Variants in CDKAL1 observed in about 807,000 individuals in gnomAD.
The protein encoded by CDKAL1 is threonylcarbamoyladenosine tRNA methylthiotransferase.
A neutral mutation model predicts 68.2 loss-of-function variants in CDKAL1; 32 were observed. That is an observed-to-expected ratio of 0.47 (90% confidence interval 0.35 to 0.63). The LOEUF (loss-of-function observed/expected upper bound fraction) is 0.63, where lower values mean the gene tolerates loss of function less well. Ranked by LOEUF, CDKAL1 falls within the 30% of genes least tolerant of loss-of-function variation. The pLI is 0.00. For synonymous variants in CDKAL1, 234 were observed against 244.3 expected (o/e 0.96, Z 0.39); for missense variants, 606 against 696.7 (o/e 0.87, Z 1.47).
Position 20,649,589 on chromosome 6 carries a change from G to A in CDKAL1, c.371+212G>A, listed in dbSNP as rs1768653476. Among the ~76,000 whole-genome samples, 4 of 151,508 alleles carry A rather than the reference G, an allele frequency of 2.6e-5. No homozygotes were observed. The South Asian group carries it at 8.4e-4, about 32-fold the overall frequency. ...TAAATTAAATTTACTTTAAGTTCTG[G>A]GGTACATGTACAGGATGTGCAAGTT... On this transcript the variant is annotated intron_variant, in intron 5 of 15. Coordinates refer to ENST00000274695, the MANE Select transcript of CDKAL1 (RefSeq NM_017774.3).
chr6:20,677,080 TG>T (rs1314233658), intron 5 of CDKAL1, among the ~76,000 whole-genome samples: 5 of 128,316 alleles, frequency 3.9e-5, no homozygotes, highest in African/African-American at 2.5e-4. Flanking sequence ...ATTTTTTTTG[TG>T]TGTGTGTGTG....
chr6:20,770,191 A>G (rs1378092643), intron 7 of CDKAL1, among the ~76,000 whole-genome samples: 2 of 152,170 alleles, frequency 1.3e-5, no homozygotes, highest in Non-Finnish European at 2.9e-5. Context: ...AATTCTGAGT[A>G]TACTGTTTGA....
intron 9 of CDKAL1, among the ~76,000 whole-genome samples, chr6:20,904,216 C>T (rs1284484856): frequency 6.6e-6 from 1 of 152,126 alleles, no homozygotes; most frequent in Non-Finnish European, 1.5e-5. Context: ...CCTCCTTTAA[C>T]TGATGTGAGT....
intron 13 of CDKAL1, among the ~76,000 whole-genome samples, chr6:21,123,118 T>G (rs1774811943): frequency 6.6e-6 from 1 of 152,180 alleles, no homozygotes; most frequent in Non-Finnish European, 1.5e-5. Flanking sequence ...GCCCAGGTTT[T>G]CTGGCTAATA....
intron 8 of CDKAL1, among the ~76,000 whole-genome samples, chr6:20,825,660 G>T (rs1469734385): frequency 6.6e-6 from 1 of 152,030 alleles, no homozygotes; most frequent in Non-Finnish European, 1.5e-5. Context: ...AGTACTTGTG[G>T]CATCGAAGCA....
At chr6:21,130,328 G>A (rs988880434) in intron 13 of CDKAL1, among the ~76,000 whole-genome samples, 5 of 150,794 alleles carry the variant, frequency 3.3e-5, no homozygotes, top group South Asian at 4.2e-4. Flanking sequence ...GGATTCGAGC[G>A]ATTATCCTGC....
chr6:21,207,195 G>C (rs909944842), intron 15 of CDKAL1, among the ~76,000 whole-genome samples: 1 of 151,396 alleles, frequency 6.6e-6, no homozygotes, highest in Non-Finnish European at 1.5e-5. Context: ...TTAGAGGCGT[G>C]AGGCACCACA....
chr6:21,147,571 C>T (rs1394925690), intron 13 of CDKAL1, among the ~76,000 whole-genome samples: 1 of 152,180 alleles, frequency 6.6e-6, no homozygotes, highest in South Asian at 2.1e-4. Flanking sequence ...CTGGTTAGTG[C>T]CCTGCAACCA....
At chr6:21,126,075 G>C (rs1378378457) in intron 13 of CDKAL1, among the ~76,000 whole-genome samples, 4 of 152,226 alleles carry the variant, frequency 2.6e-5, no homozygotes, top group African/African-American at 9.6e-5. Flanking sequence ...AGGTGCTCTA[G>C]TATATGTTTC....
chr6:20,999,868 A>G (rs1767339129), intron 10 of CDKAL1, among the ~76,000 whole-genome samples: 2 of 152,164 alleles, frequency 1.3e-5, no homozygotes, highest in Non-Finnish European at 2.9e-5. Flanking sequence ...TGTTTTTCCC[A>G]CAAATGTAAC....
intron 4 of CDKAL1, chr6:20,558,495 A>G (rs1188909471): frequency 4.4e-6 from 2 of 456,338 alleles, no homozygotes; most frequent in Non-Finnish European, 8.8e-6. Context: ...TGAAACAGTA[A>G]GTGCATGAAC....
At chr6:21,020,608 C>T (rs570162325) in intron 11 of CDKAL1, among the ~76,000 whole-genome samples, 122 of 152,022 alleles carry the variant, frequency 8.0e-4, no homozygotes, top group African/African-American at 2.8e-3. Context: ...GCTGGGATTA[C>T]GGGCATGCAC....
chr6:20,835,122 G>A (rs1003197552), intron 8 of CDKAL1, among the ~76,000 whole-genome samples: 2 of 152,154 alleles, frequency 1.3e-5, no homozygotes, highest in South Asian at 4.1e-4. Flanking sequence ...GGGCACTTGG[G>A]TAGAGGGTTT....
chr6:20,981,406 G>C (rs444005), intron 10 of CDKAL1, among the ~76,000 whole-genome samples: 16,055 of 152,162 alleles, frequency 0.11, 973 homozygotes, highest in Middle Eastern at 0.16. Context: ...ATGCGTTCTT[G>C]CACTTTCTGA....
chr6:21,029,697 C>T (rs1769161360), intron 11 of CDKAL1, among the ~76,000 whole-genome samples: 1 of 152,092 alleles, frequency 6.6e-6, no homozygotes, highest in Admixed American at 6.6e-5. Flanking sequence ...CAAAAGAGGA[C>T]ATTTATACGG....
chr6:20,880,283 ATC>A (rs1760744008), intron 9 of CDKAL1, among the ~76,000 whole-genome samples: 2 of 151,742 alleles, frequency 1.3e-5, no homozygotes, highest in East Asian at 1.9e-4. Flanking sequence ...TCGAGATGGA[ATC>A]TCTCTCTGTT....
rs1372541570 is a variant in CDKAL1 at position 20,875,654 on chromosome 6, C to T, written c.742+29476C>T. 3.3e-5 allele frequency among the ~76,000 whole-genome samples: 5 copies of T among 151,826 alleles called. No homozygotes were observed. In the East Asian group the frequency reaches 9.7e-4, roughly 29 times the overall value. On this transcript the variant is annotated intron_variant, in intron 9 of 15. Coordinates refer to ENST00000274695, the MANE Select transcript of CDKAL1 (RefSeq NM_017774.3). ...TTTAAAAATTAAGTAATAATGTGTT[C>T]TCTGTCTCTATTACCTTCACTAATG...
chr6:20,640,885 G>A (rs897202100), intron 4 of CDKAL1, among the ~76,000 whole-genome samples: 2 of 152,118 alleles, frequency 1.3e-5, no homozygotes, highest in Non-Finnish European at 2.9e-5. Flanking sequence ...GTCAACGTGG[G>A]AGGATTACAT....
At chr6:20,876,698 G>A (rs115350095) in intron 9 of CDKAL1, among the ~76,000 whole-genome samples, 1,720 of 152,274 alleles carry the variant, frequency 0.011, 27 homozygotes, top group African/African-American at 0.038. Context: ...CTTGTAACAG[G>A]CAGGCGTAGA....
Sources: allele counts gnomAD v4.1 joint callset (sites outside exome capture counted in the v4.1 genomes callset), GRCh38; gene constraint gnomAD v4.1.1; transcripts MANE v1.5; gene names NCBI Gene and HGNC (gene_info 2026-07-23, HGNC 2026-07-21).